Variants in PKP3 observed in about 807,000 individuals in gnomAD.
The protein encoded by PKP3 is plakophilin 3, also known as plakophilin-3.
A neutral mutation model predicts 76.5 loss-of-function variants in PKP3; 66 were observed. The ratio of observed to expected loss-of-function variants is 0.86; its 90% confidence interval spans 0.71 to 1.06. The LOEUF (loss-of-function observed/expected upper bound fraction) is 1.06, where lower values mean the gene tolerates loss of function less well. Among genes scored for constraint, PKP3 ranks in the 50% least tolerant of loss-of-function variants. PKP3 has a pLI of 0.00. For missense variants in PKP3, 1,338 were observed against 1,141.0 expected (o/e 1.17, Z -2.49); for synonymous variants, 638 against 516.5 (o/e 1.24, Z -3.19).
rs777703059 is a variant in PKP3, at chr11:403,255, G to C, written c.1915G>C (p.Asp639His). Residue 639 changes from aspartate to histidine, a missense_variant, in exon 9 of 13, where the codon GAC becomes CAC. Physicochemically the swap from Asp to His is moderately conservative, Grantham distance 81 (BLOSUM62 -1). Transcript: ENST00000331563. ...AGALQNITAGDRRWAGVLSRL... is the reference protein window; with the variant it reads ...AGALQNITAGHRRWAGVLSRL... ...GGCGCTGCAGAACATCACGGCAGGC[G>C]ACCGCAGGGTGGGGCACCCAACCCA... 1 of 1,577,332 alleles carries C rather than the reference G, an allele frequency of 6.3e-7. No individual in the cohort carries two copies. The highest frequency in any genetic ancestry group is 1.3e-5 in the African/African-American group (1 of 74,260).
rs753721360 is a variant in PKP3 at position 397,526 on chromosome 11, C to G, written c.945-13C>G. On this transcript the variant is annotated splice_polypyrimidine_tract_variant and intron_variant, in intron 3 of 12. Coordinates refer to ENST00000331563, the MANE Select transcript of PKP3 (RefSeq NM_007183.4). ...CCCAAAGTTAGCCTGACCCCTGACC[C>G]CTGGCTCCGCAGTTTTGATGACATT... The G allele has an allele frequency of 6.2e-7, 1 of 1,612,090 alleles. No individual in the cohort carries two copies. The highest frequency in any genetic ancestry group is 1.3e-5 in the African/African-American group (1 of 74,880).
intron 5 of PKP3, 79 bp downstream of exon 5, chr11:399,275 T>G: frequency 1.6e-6 from 1 of 606,798 alleles, no homozygotes. Context: ...CCTCCCCACC[T>G]GCCCCCCTCC....
chr11:404,641 C>G lies in PKP3; in HGVS notation c.*72C>G. The G allele has an allele frequency of 6.8e-7, 1 of 1,477,678 alleles. No individual in the cohort carries two copies. The highest frequency in any genetic ancestry group is 9.4e-7 in the Non-Finnish European group (1 of 1,058,944). 91.5% of individuals were successfully genotyped at this position (1,477,678 alleles called of 1,614,324 possible). Reference sequence around the variant, plus strand: ...ACAGACTCAGCTCCAGGCTGCTTGGCAGCCCAGCCTGGAGGAGAAGGCTAA... The same window carrying G: ...ACAGACTCAGCTCCAGGCTGCTTGGGAGCCCAGCCTGGAGGAGAAGGCTAA... On this transcript the variant is annotated 3_prime_UTR_variant, in exon 13 of 13. Transcript: ENST00000331563. The surrounding 1 kb of genome is among the most constrained non-coding windows in gnomAD (Gnocchi z 4.2).
At chr11:399,692 G>A (rs1041037481) in intron 5 of PKP3, among the ~76,000 whole-genome samples, 1 of 149,244 alleles carries the variant, frequency 6.7e-6, no homozygotes, top group Non-Finnish European at 1.5e-5. Context: ...CTCTTTCCTG[G>A]ACCCCCGGCC....
At position 400,694 on chromosome 11, in the gene PKP3, C is replaced by G; in HGVS notation, c.1726C>G (p.Arg576Gly). ...VVGCFTPQSRRLRELPLAADA... is the reference protein window; with the variant it reads ...VVGCFTPQSRGLRELPLAADA... ...GGGCTGCTTCACGCCGCAGAGCCGG[C>G]GGCTGCGCGAGGTGGGCACCAGCCT... The change falls in exon 8 of 13, where the codon CGG becomes GGG. Residue 576 changes from arginine to glycine, a missense_variant. By Grantham distance (125) the Arg-to-Gly change is moderately radical. Transcript: ENST00000331563. The G allele has an allele frequency of 7.9e-7, 1 of 1,270,042 alleles. No individual in the cohort carries two copies. Among genetic ancestry groups the G allele is most frequent in the Non-Finnish European group, 9.9e-7 (1 of 1,005,134 alleles). 78.7% of individuals were successfully genotyped at this position (1,270,042 alleles called of 1,614,324 possible).
chr11:398,244 C>A (rs1847088104), intron 4 of PKP3, among the ~76,000 whole-genome samples: 1 of 100,392 alleles, frequency 1.0e-5, no homozygotes, highest in Non-Finnish European at 2.0e-5. Flanking sequence ...TCCCTACCCC[C>A]ACATATACCT....
chr11:404,907 C>T lies in PKP3; in HGVS notation c.*338C>T. ...GGGAATAAAGATGGCCATGAACAGTCACTGCCCTGTGTCCTTCCATGGCTG... is the reference window on the plus strand; with the variant it reads ...GGGAATAAAGATGGCCATGAACAGTTACTGCCCTGTGTCCTTCCATGGCTG... On this transcript the variant is annotated 3_prime_UTR_variant, in exon 13 of 13. Transcript: ENST00000331563. This position sits in a 1 kb window ranked among gnomAD's most constrained non-coding sequence, Gnocchi z 4.2. 1 of 356,562 alleles carries T rather than the reference C, an allele frequency of 2.8e-6. No individual in the cohort carries two copies. Among genetic ancestry groups the T allele is most frequent in the South Asian group, 2.8e-5 (1 of 35,694 alleles). 22.1% of individuals were successfully genotyped at this position (356,562 alleles called of 1,614,324 possible).
Position 403,779 on chromosome 11 carries a change from G to A in PKP3, c.2077+8G>A, listed in dbSNP as rs372268685. The A allele has an allele frequency of 1.8e-5, 29 of 1,604,506 alleles. No homozygotes were observed. Among genetic ancestry groups the A allele is most frequent in the Admixed American group, 1.2e-4 (7 of 59,986 alleles). On this transcript the variant is annotated splice_region_variant and intron_variant, in intron 10 of 12. Coordinates refer to ENST00000331563, the MANE Select transcript of PKP3 (RefSeq NM_007183.4). ...GGAACAAGGACGAGATGTGTGAGTC[G>A]GGCAGCCCCTCGTCCCTGCCCTGCT...
At chr11:392,669 G>T, upstream of PKP3, 1 of 1,286,998 alleles carries the variant, frequency 7.8e-7, no homozygotes, top group South Asian at 1.2e-5. Context: ...TGGCCTCTGG[G>T]ATGAGCTGGG....
Position 400,047 on chromosome 11 carries a change from G to C in PKP3, c.1354G>C (p.Val452Leu), listed in dbSNP as rs751164916. 3 of 1,607,196 alleles carry C rather than the reference G, an allele frequency of 1.9e-6. No homozygotes were observed. Among genetic ancestry groups the C allele is most frequent in the South Asian group, 1.1e-5 (1 of 90,362 alleles). Residue 452 changes from valine to leucine, a missense_variant, in exon 6 of 13, where the codon GTG becomes CTG. Val to Leu is a conservative substitution (Grantham distance 32). Transcript: ENST00000331563. ...CACGCTGGAGCAGCTCACAGACCTG[G>C]TGTTGAGCCCCCTGTCGGGGGCTGG... The part of the protein sequence containing the change: ...RDTLEQLTDL[V>L]LSPLSGAGGP...
Position 404,244 on chromosome 11 carries a change from G to A in PKP3, c.2279G>A (p.Ser760Asn). The A allele has an allele frequency of 6.2e-7, 1 of 1,612,620 alleles. No homozygotes were observed. The highest frequency in any genetic ancestry group is 8.5e-7 in the Non-Finnish European group (1 of 1,179,832). ...CTGCCCTCCACCCTCAGCCCCGACA[G>A]TGAGAAGTCCTCCCGGGCAGCATCC... Reference protein sequence around the residue: ...FIKKKRDSPDSEKSSRAASSL... With the variant: ...FIKKKRDSPDNEKSSRAASSL... The change falls in exon 12 of 13, where the codon AGT (serine) becomes AAT (asparagine). Residue 760 changes from serine (S) to asparagine (N), a missense_variant. Coordinates refer to ENST00000331563, the MANE Select transcript of PKP3 (RefSeq NM_007183.4). The surrounding 1 kb of genome is among the most constrained non-coding windows in gnomAD (Gnocchi z 4.2).
intron 5 of PKP3, 89 bp from the exon 6 acceptor site, chr11:399,878 G>A: frequency 3.6e-6 from 4 of 1,098,720 alleles, no homozygotes; most frequent in Non-Finnish European, 5.2e-6. Flanking sequence ...GCCAGCCCCT[G>A]GGGAGAGGCG....
In PKP3 at chr11:403,945, A is replaced by T; in HGVS notation, c.2080A>T (p.Thr694Ser). Residue 694 changes from threonine to serine, a missense_variant and splice_region_variant, in exon 11 of 13, where the codon ACG (threonine) becomes TCG (serine). Coordinates refer to ENST00000331563, the MANE Select transcript of PKP3 (RefSeq NM_007183.4). ...GACTGACCCCCGGCCTCCCACAGCC[A>T]CGAAGGTGGTGAGCCACCTGATCGA... ...RNARNKDEMS[T>S]KVVSHLIEKL... 6.3e-7 allele frequency: 1 copy of T among 1,597,036 alleles called. No homozygotes were observed. Among genetic ancestry groups the T allele is most frequent in the Non-Finnish European group, 8.5e-7 (1 of 1,169,952 alleles).
chr11:393,215 G>T (rs956384243), upstream of PKP3, among the ~76,000 whole-genome samples: 1 of 151,622 alleles, frequency 6.6e-6, no homozygotes, highest in African/African-American at 2.4e-5. Flanking sequence ...TTGGTCCAGG[G>T]CCCCCCCACC....
intron 1 of PKP3, 156 bp from the exon 2 acceptor site, chr11:396,452 A>AT (rs1378941282): frequency 4.5e-5 from 25 of 559,904 alleles, no homozygotes; most frequent in Non-Finnish European, 7.6e-5. Flanking sequence ...CATGGCAGGA[A>AT]TGGGGAGGCA....
At position 397,034 on chromosome 11, in the gene PKP3, C is replaced by T; in HGVS notation, c.533C>T (p.Thr178Ile). The T allele has an allele frequency of 1.3e-6, 2 of 1,599,786 alleles. No individual in the cohort carries two copies. The highest frequency in any genetic ancestry group is 1.7e-6 in the Non-Finnish European group (2 of 1,179,596). ...GGVGSRADYD[T>I]LSLRSLRLGP... ...GTTGGGAGCCGGGCCGACTATGACA[C>T]ACTCTCCCTGCGCTCGCTGCGGCTG... is the stretch of plus-strand genomic sequence containing the variant. Residue 178 changes from threonine to isoleucine, a missense_variant, in exon 3 of 13, where the codon ACA (threonine) becomes ATA (isoleucine). Thr to Ile is a moderately conservative substitution (Grantham distance 89). Coordinates refer to ENST00000331563, the MANE Select transcript of PKP3 (RefSeq NM_007183.4).
Position 397,675 on chromosome 11 carries a change from A to G in PKP3, c.1068+13A>G. ...CGCCAAGAAGCAGGTGACCACCCCG[A>G]CCACCCACTCGCTGCCCCCTGGTGA... is the stretch of plus-strand genomic sequence containing the variant. On this transcript the variant is annotated intron_variant, in intron 4 of 12. Coordinates refer to ENST00000331563, the MANE Select transcript of PKP3 (RefSeq NM_007183.4). 6.2e-7 allele frequency: 1 copy of G among 1,607,780 alleles called. No homozygotes were observed. Among genetic ancestry groups the G allele is most frequent in the East Asian group, 2.2e-5 (1 of 44,796 alleles).
chr11:400,723 C>G lies in PKP3; in HGVS notation c.1737+18C>G. ...TGCGCGAGGTGGGCACCAGCCTGAG[C>G]GGGGCGTGGGGTGGGTGCTGCGACC... On this transcript the variant is annotated intron_variant, in intron 8 of 12. Transcript: ENST00000331563. The G allele has an allele frequency of 8.2e-7, 1 of 1,223,262 alleles. No individual in the cohort carries two copies. The highest frequency in any genetic ancestry group is 1.0e-6 in the Non-Finnish European group (1 of 975,942). The allele number at this position is 1,223,262 out of a possible 1,614,324, so 75.8% of individuals were successfully genotyped here. A position where few individuals can be genotyped will look rare whatever the true frequency, so the allele number is the denominator to read the frequency against.
chr11:400,131 G>A lies in PKP3; in HGVS notation c.1438G>A (p.Gly480Ser), dbSNP rs1590356881. ...SEAEIFYNAT[G>S]FLRNLSSASQ... Reference sequence around the variant, plus strand: ...GGCAGAGATCTTCTACAACGCCACCGGCTTCCTCAGGTGCGCCAGCCTCGG... The same window carrying A: ...GGCAGAGATCTTCTACAACGCCACCAGCTTCCTCAGGTGCGCCAGCCTCGG... Residue 480 changes from glycine (G) to serine (S), a missense_variant, in exon 6 of 13, where the codon GGC (glycine) becomes AGC (serine). Transcript: ENST00000331563. 8 of 1,558,218 alleles carry A rather than the reference G, an allele frequency of 5.1e-6. No individual in the cohort carries two copies. Among genetic ancestry groups the A allele is most frequent in the Non-Finnish European group, 6.9e-6 (8 of 1,155,796 alleles).
Sources: allele counts gnomAD v4.1 joint callset (sites outside exome capture counted in the v4.1 genomes callset), GRCh38; gene constraint gnomAD v4.1.1; non-coding constraint Gnocchi (gnomAD v3.1); transcripts MANE v1.5; gene names NCBI Gene and HGNC (gene_info 2026-07-23, HGNC 2026-07-21).